Variants in DDR2 observed in about 807,000 individuals in gnomAD.
DDR2 encodes discoidin domain receptor tyrosine kinase 2, also known as discoidin domain-containing receptor 2.
Under a neutral mutation model 94.9 loss-of-function variants are expected in DDR2, and 27 were observed. The ratio of observed to expected loss-of-function variants is 0.28; its 90% confidence interval spans 0.21 to 0.39. The LOEUF is 0.39. DDR2 is among the 10% of genes least tolerant of loss of function. The pLI is 1.00. For missense variants in DDR2, 783 were observed against 1,076.0 expected (o/e 0.73, Z 3.81); for synonymous variants, 382 against 377.2 (o/e 1.01, Z -0.15).
At chr1:162,773,433 A>G in intron 13 of DDR2, 36 bp from the exon 14 acceptor site, 1 of 1,611,554 alleles carries the variant, frequency 6.2e-7, no homozygotes, top group Non-Finnish European at 8.5e-7. Flanking sequence ...TCTTCAGGAG[A>G]AATGATGATG....
At chr1:162,699,221 G>C (rs116612190) in intron 2 of DDR2, among the ~76,000 whole-genome samples, 81 of 152,326 alleles carry the variant, frequency 5.3e-4, no homozygotes, top group African/African-American at 1.9e-3. Context: ...GAAAACCTGT[G>C]TGCAGAGTTG....
chr1:162,665,430 G>A (rs1481130329), intron 2 of DDR2, among the ~76,000 whole-genome samples: 1 of 152,040 alleles, frequency 6.6e-6, no homozygotes, highest in Non-Finnish European at 1.5e-5. Context: ...CCTGCACCTT[G>A]TCTCAGGTTC....
At chr1:162,683,099 G>T (rs1351318329) in intron 2 of DDR2, among the ~76,000 whole-genome samples, 1 of 152,014 alleles carries the variant, frequency 6.6e-6, no homozygotes, top group Admixed American at 6.6e-5. Flanking sequence ...AAAATCATGT[G>T]ATTATATTAA....
At position 162,760,779 on chromosome 1, in the gene DDR2, C is replaced by T. The variant is rs139420002; in HGVS notation, c.856-432C>T. 5.6e-4 allele frequency among the ~76,000 whole-genome samples: 85 copies of T among 151,944 alleles called. 1 individual carries two copies. Among genetic ancestry groups the T allele is most frequent in the African/African-American group, 1.9e-3 (79 of 41,430 alleles). Reference sequence around the variant, plus strand: ...CACCTCACTTCATGTTGCTGGACTGCAGTTTTCTCATCTGTTAAATGAGGA... The same window carrying T: ...CACCTCACTTCATGTTGCTGGACTGTAGTTTTCTCATCTGTTAAATGAGGA... On this transcript the variant is annotated intron_variant, in intron 8 of 17. Coordinates refer to ENST00000367921, the MANE Select transcript of DDR2 (RefSeq NM_006182.4).
At chr1:162,750,887 C>A (rs1346537632) in intron 3 of DDR2, among the ~76,000 whole-genome samples, 4 of 151,472 alleles carry the variant, frequency 2.6e-5, no homozygotes, top group Admixed American at 6.6e-5. Context: ...CAAAAACAAG[C>A]AATGGGGAAA....
Position 162,678,321 on chromosome 1 carries a change from C to T in DDR2, c.-28+22947C>T, listed in dbSNP as rs141263194. Reference sequence around the variant, plus strand: ...AATAATTCCTGTCTCATAAAGTTACCGTGAAGATTAAGTGAGGCAATGTAT... The same window carrying T: ...AATAATTCCTGTCTCATAAAGTTACTGTGAAGATTAAGTGAGGCAATGTAT... On this transcript the variant is annotated intron_variant, in intron 2 of 17. Transcript: ENST00000367921. Among the ~76,000 whole-genome samples, 395 of 152,188 alleles carry T rather than the reference C, an allele frequency of 2.6e-3. 1 individual carries two copies. Among genetic ancestry groups the T allele is most frequent in the African/African-American group, 9.3e-3 (384 of 41,512 alleles).
chr1:162,753,343 C>A, intron 4 of DDR2, 146 bp downstream of exon 4: 1 of 742,114 alleles, frequency 1.3e-6, no homozygotes, highest in Non-Finnish European at 2.4e-6. Flanking sequence ...TGGGCCTGTC[C>A]TGCTCTGTAT....
intron 9 of DDR2, among the ~76,000 whole-genome samples, chr1:162,763,551 G>A (rs1195238257): frequency 1.3e-5 from 2 of 151,814 alleles, no homozygotes; most frequent in East Asian, 3.9e-4. Context: ...GACCCTAGAA[G>A]CCTTTGATAA....
intron 2 of DDR2, among the ~76,000 whole-genome samples, chr1:162,686,935 T>C (rs976622957): frequency 2.0e-5 from 3 of 152,250 alleles, no homozygotes; most frequent in Admixed American, 2.0e-4. Flanking sequence ...CTTTCAGCCT[T>C]CTGGGTTGCT....
intron 2 of DDR2, among the ~76,000 whole-genome samples, chr1:162,665,982 A>G (rs184109543): frequency 7.9e-4 from 121 of 152,240 alleles, no homozygotes; most frequent in African/African-American, 2.8e-3. Context: ...CTTCCTTCAA[A>G]TTTCCACAAA....
chr1:162,649,751 G>A (rs1168606733), intron 1 of DDR2, among the ~76,000 whole-genome samples: 8 of 152,206 alleles, frequency 5.3e-5, no homozygotes, highest in Admixed American at 3.9e-4. Flanking sequence ...AATGAAGTTT[G>A]TAGTGTGTTC....
At chr1:162,755,874 T>G in intron 7 of DDR2, 105 bp downstream of exon 7, 1 of 963,718 alleles carries the variant, frequency 1.0e-6, no homozygotes, top group South Asian at 1.4e-5. Context: ...CAGTATTTAT[T>G]TAGTTCTTGT....
rs117551325 is a variant in DDR2, at chr1:162,634,876, G to A, written c.-192+2245G>A. Among the ~76,000 whole-genome samples the A allele has an allele frequency of 1.2e-3, 176 of 152,268 alleles. 3 individuals carry two copies. In the East Asian group the frequency reaches 0.029, roughly 25 times the overall value. ...AGCTGAGGGCAGATCCTTGACCCAG[G>A]ACCTTCTTGTCACTGGCAGGCACAT... On this transcript the variant is annotated intron_variant, in intron 1 of 17. Transcript: ENST00000367921.
chr1:162,778,525 G>A (rs1647714715), intron 16 of DDR2, 55 bp from the exon 17 acceptor site: 1 of 1,606,440 alleles, frequency 6.2e-7, no homozygotes, highest in Non-Finnish European at 8.5e-7. Flanking sequence ...AATTTAACAG[G>A]GTGTTGTTGT....
In DDR2 at chr1:162,669,387, T is replaced by G. The variant is rs542441326; in HGVS notation, c.-28+14013T>G. 2.0e-4 allele frequency among the ~76,000 whole-genome samples: 31 copies of G among 152,354 alleles called. No homozygotes were observed. The East Asian group carries it at 5.4e-3, about 27-fold the overall frequency. On this transcript the variant is annotated intron_variant, in intron 2 of 17. Transcript: ENST00000367921. ...TTCAAAGGCTATGAAACAATGGAGA[T>G]GATCGAATACCATTAGAATTTTAAG...
chr1:162,776,480 G>T, intron 16 of DDR2, 110 bp downstream of exon 16: 1 of 908,456 alleles, frequency 1.1e-6, no homozygotes, highest in East Asian at 2.5e-5. Flanking sequence ...ATAGACTGTA[G>T]TATTTTCTCT....
intron 2 of DDR2, among the ~76,000 whole-genome samples, chr1:162,686,052 G>C (rs1189952540): frequency 1.3e-5 from 2 of 152,112 alleles, no homozygotes; most frequent in Non-Finnish European, 2.9e-5. Context: ...GCTTTTTATA[G>C]GTTCTGAATA....
intron 2 of DDR2, among the ~76,000 whole-genome samples, chr1:162,712,112 G>T (rs1436362214): frequency 6.6e-6 from 1 of 151,462 alleles, no homozygotes; most frequent in Admixed American, 6.6e-5. Context: ...CTGAGCACTA[G>T]TGTGAAGCTT....
chr1:162,677,235 G>A (rs1659175452), intron 2 of DDR2, among the ~76,000 whole-genome samples: 1 of 152,076 alleles, frequency 6.6e-6, no homozygotes, highest in South Asian at 2.1e-4. Flanking sequence ...CTCCCTAAGG[G>A]TCCGGGCAGG....
Sources: gnomAD v4.1 joint callset for allele counts (sites outside exome capture counted in the v4.1 genomes callset) on GRCh38, gnomAD v4.1.1 for gene constraint, MANE v1.5 for transcripts, NCBI Gene and HGNC (gene_info 2026-07-23, HGNC 2026-07-21) for gene names.